FOXN1: variants seen among roughly 807,000 people sequenced by gnomAD.
FOXN1 encodes the protein forkhead box N1.
In FOXN1, 15 loss-of-function variants were observed where a neutral mutation model predicts 49.0. The ratio of observed to expected loss-of-function variants is 0.31; its 90% confidence interval spans 0.20 to 0.47. FOXN1 has a LOEUF of 0.47. Ranked by LOEUF, FOXN1 falls within the 20% of genes least tolerant of loss-of-function variation. The pLI, the probability that FOXN1 is intolerant of heterozygous loss-of-function variation, is 1.00. For synonymous variants in FOXN1, 356 were observed against 369.0 expected (o/e 0.96, Z 0.40); for missense variants, 800 against 842.8 (o/e 0.95, Z 0.63).
At position 28,537,534 on chromosome 17, in the gene FOXN1, A is replaced by G. The variant is rs2070102539; in HGVS notation, c.*98A>G. On this transcript the variant is annotated 3_prime_UTR_variant, in exon 9 of 9. Coordinates refer to ENST00000579795, the MANE Select transcript of FOXN1 (RefSeq NM_001369369.1). Reference sequence around the variant, plus strand: ...ACCTTAAAGGTCAAGGAAGGAAAATACTACCTGTCCCCTATGCCACTAAGC... The same window carrying G: ...ACCTTAAAGGTCAAGGAAGGAAAATGCTACCTGTCCCCTATGCCACTAAGC... 3 of 938,456 alleles carry G rather than the reference A, an allele frequency of 3.2e-6. No individual in the cohort carries two copies. The highest frequency in any genetic ancestry group is 3.9e-5 in the Admixed American group (2 of 51,848). 58.1% of individuals were successfully genotyped at this position (938,456 alleles called of 1,614,324 possible).
At chr17:28,530,529 A>T (rs914400130) in intron 5 of FOXN1, among the ~76,000 whole-genome samples, 1 of 152,248 alleles carries the variant, frequency 6.6e-6, no homozygotes, top group African/African-American at 2.4e-5. Flanking sequence ...ACACAGCCAG[A>T]GAGTAACTAG....
At chr17:28,511,112 C>T (rs2069387713) in intron 1 of FOXN1, among the ~76,000 whole-genome samples, 1 of 151,796 alleles carries the variant, frequency 6.6e-6, no homozygotes, top group East Asian at 1.9e-4. Context: ...CCCCATCTGT[C>T]AGATAAAGAG....
intron 6 of FOXN1, among the ~76,000 whole-genome samples, chr17:28,533,434 C>T (rs962808523): frequency 6.6e-6 from 1 of 151,778 alleles, no homozygotes; most frequent in African/African-American, 2.4e-5. Context: ...AATTACCACA[C>T]TGGTGGCATG....
At chr17:28,527,089 T>G (rs2069787065) in intron 3 of FOXN1, among the ~76,000 whole-genome samples, 162 bp from the exon 4 acceptor site, 1 of 152,188 alleles carries the variant, frequency 6.6e-6, no homozygotes, top group Non-Finnish European at 1.5e-5. Context: ...ATTGCTGAGT[T>G]CCCTTGGGAA....
chr17:28,536,426 C>T (rs912409223), intron 8 of FOXN1, among the ~76,000 whole-genome samples: 1 of 152,230 alleles, frequency 6.6e-6, no homozygotes, highest in Non-Finnish European at 1.5e-5. Flanking sequence ...CATGGAAGCA[C>T]ACAGAGGCTT....
At chr17:28,515,300 A>ACACC (rs1299743294) in intron 1 of FOXN1, among the ~76,000 whole-genome samples, 2 of 151,054 alleles carry the variant, frequency 1.3e-5, no homozygotes, top group Non-Finnish European at 3.0e-5. Flanking sequence ...CACAGGGTAC[A>ACACC]TACCTCCAAA....
intron 1 of FOXN1, among the ~76,000 whole-genome samples, chr17:28,518,117 G>A (rs886709421): frequency 1.5e-4 from 22 of 151,512 alleles, no homozygotes; most frequent in African/African-American, 5.3e-4. Flanking sequence ...ACCTCCACAG[G>A]GTACACACCT....
At chr17:28,507,773 C>G (rs571735602) in intron 1 of FOXN1, among the ~76,000 whole-genome samples, 1 of 152,224 alleles carries the variant, frequency 6.6e-6, no homozygotes, top group African/African-American at 2.4e-5. Flanking sequence ...CCATCTTGCT[C>G]ATTCCCTGAC....
In FOXN1 at chr17:28,524,966, T is replaced by C. The variant is rs1332676871; in HGVS notation, c.587T>C (p.Leu196Pro). Reference sequence around the variant, plus strand: ...AGCCAGGAGCATGGCCCCCAAGTCCTGGTGAGTACTAGTGGCCAGCGAGTG... The same window carrying C: ...AGCCAGGAGCATGGCCCCCAAGTCCCGGTGAGTACTAGTGGCCAGCGAGTG... ...YPSQEHGPQV[L>P]GSEVKVKPPV... The change falls in exon 3 of 9, where the codon CTG (leucine) becomes CCG (proline). Residue 196 changes from leucine (L) to proline (P), a missense_variant and splice_region_variant. Around this residue, in one of 3 missense-constraint regions of FOXN1, gnomAD observed 383 missense variants for 357.9 expected, o/e 1.07. Coordinates refer to ENST00000579795, the MANE Select transcript of FOXN1 (RefSeq NM_001369369.1). The C allele has an allele frequency of 6.2e-7, 1 of 1,604,496 alleles. No individual in the cohort carries two copies. Among genetic ancestry groups the C allele is most frequent in the African/African-American group, 1.3e-5 (1 of 74,870 alleles).
chr17:28,508,723 T>G (rs2069322094), intron 1 of FOXN1, among the ~76,000 whole-genome samples: 1 of 152,132 alleles, frequency 6.6e-6, no homozygotes, highest in Non-Finnish European at 1.5e-5. Context: ...CCTCTTATTC[T>G]CTCTGACTCC....
At chr17:28,536,187 A>T (rs1158442170) in intron 8 of FOXN1, among the ~76,000 whole-genome samples, 1 of 152,228 alleles carries the variant, frequency 6.6e-6, no homozygotes, top group African/African-American at 2.4e-5. Context: ...TCCCAACCCG[A>T]TGGGGAGACA....
intron 5 of FOXN1, among the ~76,000 whole-genome samples, chr17:28,530,268 T>A (rs2069880279): frequency 6.6e-6 from 1 of 152,124 alleles, no homozygotes; most frequent in Non-Finnish European, 1.5e-5. Flanking sequence ...GTTGGAAGGA[T>A]TAAGTAAGAG....
rs111928111 is a variant in FOXN1, at chr17:28,511,154, T to G, written c.-15+4711T>G. ...GGGTGGGAGGGCCTCCCAGTGCACT[T>G]CTCACTTCAAGGCTTAGTAAGTTCA... On this transcript the variant is annotated intron_variant, in intron 1 of 8. Coordinates refer to ENST00000579795, the MANE Select transcript of FOXN1 (RefSeq NM_001369369.1). Among the ~76,000 whole-genome samples, 155 of 152,298 alleles carry G rather than the reference T, an allele frequency of 1.0e-3. 1 individual carries two copies. The highest frequency in any genetic ancestry group is 3.2e-3 in the African/African-American group (131 of 41,568).
At position 28,537,293 on chromosome 17, in the gene FOXN1, A is replaced by G. The variant is rs1340893816; in HGVS notation, c.1804A>G (p.Ser602Gly). ...SGAGDLAAPGSGGSGALGDLH... is the reference protein window; with the variant it reads ...SGAGDLAAPGGGGSGALGDLH... ...GGCAGGTGACTTGGCAGCCCCGGGCAGTGGTGGCTCCGGGGCACTGGGTGA... is the reference window on the plus strand; with the variant it reads ...GGCAGGTGACTTGGCAGCCCCGGGCGGTGGTGGCTCCGGGGCACTGGGTGA... Residue 602 changes from serine (S) to glycine (G), a missense_variant, in exon 9 of 9, where the codon AGT becomes GGT. Coordinates refer to ENST00000579795, the MANE Select transcript of FOXN1 (RefSeq NM_001369369.1). The G allele has an allele frequency of 3.7e-6, 6 of 1,613,874 alleles. No homozygotes were observed. In the Admixed American group the frequency reaches 8.3e-5, roughly 22 times the overall value.
intron 1 of FOXN1, among the ~76,000 whole-genome samples, chr17:28,519,851 G>C (rs1346846342): frequency 6.6e-6 from 1 of 152,122 alleles, no homozygotes; most frequent in Non-Finnish European, 1.5e-5. Flanking sequence ...CTCTGCCAAT[G>C]GGAGAGGACA....
In FOXN1 at chr17:28,524,517, C is replaced by T; in HGVS notation, c.138C>T (p.Phe46=). The T allele has an allele frequency of 6.2e-7, 1 of 1,613,790 alleles. No individual in the cohort carries two copies. Among genetic ancestry groups the T allele is most frequent in the Middle Eastern group, 1.6e-4 (1 of 6,062 alleles). ...TGTCTACCCAGAAGCATGCCGGCTT[C>T]AGCTGCTCGTCATTTGTGTCCGACG... is the stretch of plus-strand genomic sequence containing the variant. ...SPAPQSKHAG[F]SCSSFVSDGP... Residue 46 remains phenylalanine, a synonymous_variant, in exon 3 of 9, where the codon TTC becomes TTT. Coordinates refer to ENST00000579795, the MANE Select transcript of FOXN1 (RefSeq NM_001369369.1).
At chr17:28,524,371 T>C in intron 2 of FOXN1, 132 bp from the exon 3 acceptor site, 1 of 860,402 alleles carries the variant, frequency 1.2e-6, no homozygotes, top group Non-Finnish European at 1.9e-6. Context: ...AGGCTATTTC[T>C]TCTCCACCAT....
At chr17:28,512,644 A>C (rs757514904) in intron 1 of FOXN1, among the ~76,000 whole-genome samples, 3 of 152,184 alleles carry the variant, frequency 2.0e-5, no homozygotes, top group Non-Finnish European at 4.4e-5. Flanking sequence ...CTTCTCCTTA[A>C]ACTGCCTGTC....
At chr17:28,529,484 G>T (rs567093545) in intron 5 of FOXN1, among the ~76,000 whole-genome samples, 5 of 152,190 alleles carry the variant, frequency 3.3e-5, no homozygotes, top group African/African-American at 1.2e-4. Flanking sequence ...TGATGAGCCT[G>T]CCAAGGTCTC....
Sources: allele counts gnomAD v4.1 joint callset (sites outside exome capture counted in the v4.1 genomes callset), GRCh38; gene constraint gnomAD v4.1.1; regional missense constraint gnomAD v4.1.1; transcripts MANE v1.5; gene names NCBI Gene and HGNC (gene_info 2026-07-23, HGNC 2026-07-21).